The following PDLIM5 variants were observed in gnomAD, a reference collection of about 807,000 sequenced individuals.
PDLIM5 encodes PDZ and LIM domain protein 5.
Under a neutral mutation model 64.2 loss-of-function variants are expected in PDLIM5, and 34 were observed. The ratio of observed to expected loss-of-function variants is 0.53; its 90% confidence interval spans 0.40 to 0.71. The LOEUF is 0.71. Ranked by LOEUF, PDLIM5 falls within the 30% of genes least tolerant of loss-of-function variation. The probability of loss-of-function intolerance (pLI) is 0.00; values close to 1 mark genes in which losing one functional copy is unlikely to be tolerated. For synonymous variants in PDLIM5, 253 were observed against 269.1 expected (o/e 0.94, Z 0.59); for missense variants, 683 against 733.6 (o/e 0.93, Z 0.80).
At chr4:94,548,462 A>G (rs1246414084) in intron 3 of PDLIM5, among the ~76,000 whole-genome samples, 1 of 152,206 alleles carries the variant, frequency 6.6e-6, no homozygotes, top group Non-Finnish European at 1.5e-5. Flanking sequence ...TCACCCTCTT[A>G]GAGGTCTACA....
intron 5 of PDLIM5, chr4:94,582,668 C>T: frequency 3.7e-6 from 5 of 1,353,734 alleles, no homozygotes; most frequent in Non-Finnish European, 5.3e-6. Flanking sequence ...ACATCAATGT[C>T]TTCTCTACTC....
chr4:94,560,369 A>G (rs1462895042), intron 3 of PDLIM5, among the ~76,000 whole-genome samples: 15 of 152,190 alleles, frequency 9.9e-5, no homozygotes. Flanking sequence ...TTTATATATT[A>G]TGGATAATTT....
At chr4:94,561,017 G>C (rs963221932) in intron 3 of PDLIM5, among the ~76,000 whole-genome samples, 1 of 152,082 alleles carries the variant, frequency 6.6e-6, no homozygotes, top group African/African-American at 2.4e-5. Context: ...TTGAGCCACC[G>C]CGCCCAGCCA....
At chr4:94,514,435 C>T (rs186419254) in intron 2 of PDLIM5, among the ~76,000 whole-genome samples, 140 of 152,082 alleles carry the variant, frequency 9.2e-4, no homozygotes, top group Admixed American at 2.0e-3. Flanking sequence ...CGCCTGGCCT[C>T]GGTTTGCAGT....
chr4:94,576,345 T>A (rs1381016957), intron 5 of PDLIM5, among the ~76,000 whole-genome samples: 1 of 152,186 alleles, frequency 6.6e-6, no homozygotes, highest in Non-Finnish European at 1.5e-5. Context: ...ATCTTGAATC[T>A]TTCTTCCTCA....
At chr4:94,647,588 T>G (rs903243051) in intron 9 of PDLIM5, among the ~76,000 whole-genome samples, 2 of 152,170 alleles carry the variant, frequency 1.3e-5, no homozygotes, top group African/African-American at 4.8e-5. Context: ...TAGATATAAT[T>G]GATTACTGGT....
intron 2 of PDLIM5, among the ~76,000 whole-genome samples, chr4:94,473,897 T>C (rs2126096189): frequency 6.6e-6 from 1 of 152,340 alleles, no homozygotes; most frequent in East Asian, 1.9e-4. Context: ...ATTAAATACA[T>C]AGTTCAGTGA....
At chr4:94,608,673 T>A (rs1221718062) in intron 7 of PDLIM5, among the ~76,000 whole-genome samples, 5 of 152,120 alleles carry the variant, frequency 3.3e-5, no homozygotes, top group Non-Finnish European at 7.4e-5. Context: ...GAAGAAAAAA[T>A]TAGCTGATTT....
At chr4:94,622,967 C>G (rs1179814330) in intron 8 of PDLIM5, among the ~76,000 whole-genome samples, 1 of 152,116 alleles carries the variant, frequency 6.6e-6, no homozygotes, top group Non-Finnish European at 1.5e-5. Flanking sequence ...CCACGCCCGG[C>G]CTCCATTTCT....
intron 2 of PDLIM5, among the ~76,000 whole-genome samples, chr4:94,512,304 C>G (rs1311133892): frequency 1.3e-5 from 2 of 152,128 alleles, no homozygotes; most frequent in Non-Finnish European, 2.9e-5. Context: ...CAGGCATGAG[C>G]CACTGTGCCT....
chr4:94,625,475 C>G (rs1484183745), intron 8 of PDLIM5, among the ~76,000 whole-genome samples: 1 of 147,318 alleles, frequency 6.8e-6, no homozygotes, highest in Non-Finnish European at 1.5e-5. Context: ...TTTTTTGAGA[C>G]AGAGTCTCTC....
Position 94,664,318 on chromosome 4 carries a change from T to C in PDLIM5, c.*251T>C. The C allele has an allele frequency of 1.3e-6, 1 of 772,362 alleles. No individual in the cohort carries two copies. Among genetic ancestry groups the C allele is most frequent in the Non-Finnish European group, 1.6e-6 (1 of 619,146 alleles). 47.8% of individuals were successfully genotyped at this position (772,362 alleles called of 1,614,324 possible). ...AAAATAAGCTTTATAAAAACCAATTTCCTGATGGACTATTAAATTCATCTT... is the reference window on the plus strand; with the variant it reads ...AAAATAAGCTTTATAAAAACCAATTCCCTGATGGACTATTAAATTCATCTT... On this transcript the variant is annotated 3_prime_UTR_variant, in exon 13 of 13. Coordinates refer to ENST00000317968, the MANE Select transcript of PDLIM5 (RefSeq NM_006457.5).
intron 2 of PDLIM5, among the ~76,000 whole-genome samples, chr4:94,519,495 A>G (rs1298251500): frequency 6.6e-6 from 1 of 152,146 alleles, no homozygotes; most frequent in Non-Finnish European, 1.5e-5. Flanking sequence ...ATATAAACTC[A>G]TATTTGCCTG....
intron 2 of PDLIM5, among the ~76,000 whole-genome samples, chr4:94,482,822 A>G (rs970789717): frequency 1.3e-5 from 2 of 152,146 alleles, no homozygotes; most frequent in Admixed American, 1.3e-4. Flanking sequence ...CCAGGGGGTC[A>G]AGGCTGCCCT....
intron 7 of PDLIM5, among the ~76,000 whole-genome samples, chr4:94,606,804 A>G (rs1351126670): frequency 6.6e-6 from 1 of 152,236 alleles, no homozygotes; most frequent in Non-Finnish European, 1.5e-5. Context: ...CTTATATCAT[A>G]TGAAAGTAGC....
intron 3 of PDLIM5, among the ~76,000 whole-genome samples, chr4:94,566,094 C>G (rs1243631966): frequency 1.3e-5 from 2 of 152,080 alleles, no homozygotes; most frequent in Non-Finnish European, 2.9e-5. Context: ...TATTTTATAA[C>G]TTTCTCTTTG....
At chr4:94,487,576 A>G (rs1325259088) in intron 2 of PDLIM5, among the ~76,000 whole-genome samples, 1 of 152,188 alleles carries the variant, frequency 6.6e-6, no homozygotes, top group African/African-American at 2.4e-5. Context: ...GGCATATTAT[A>G]TACATCCGAA....
chr4:94,494,058 C>T (rs1727111729), intron 2 of PDLIM5, among the ~76,000 whole-genome samples: 1 of 152,072 alleles, frequency 6.6e-6, no homozygotes, highest in South Asian at 2.1e-4. Context: ...TTGCTGGGTT[C>T]AAGTGATCCT....
At chr4:94,461,847 A>C (rs1226148618) in intron 2 of PDLIM5, among the ~76,000 whole-genome samples, 1 of 148,766 alleles carries the variant, frequency 6.7e-6, no homozygotes, top group East Asian at 1.9e-4. Flanking sequence ...AATGAGAAAG[A>C]AAAAGTTAGA....
Sources: allele counts gnomAD v4.1 joint callset (sites outside exome capture counted in the v4.1 genomes callset), GRCh38; gene constraint gnomAD v4.1.1; transcripts MANE v1.5; gene names NCBI Gene and HGNC (gene_info 2026-07-23, HGNC 2026-07-21).